Variants in RNMT observed in about 807,000 individuals in gnomAD.
The protein encoded by RNMT is RNA guanine-7 methyltransferase.
RNMT carries 27 observed loss-of-function variants against 56.0 expected under a neutral mutation model. The observed-to-expected ratio is 0.48, with a 90% CI of 0.36 to 0.67. RNMT has a LOEUF of 0.67. RNMT is among the 30% of genes least tolerant of loss of function. RNMT has a pLI of 0.00. For synonymous variants in RNMT, 184 were observed against 176.2 expected (o/e 1.04, Z -0.35); for missense variants, 519 against 552.1 (o/e 0.94, Z 0.60).
In RNMT at chr18:13,744,301, T is replaced by G. The variant is rs796412294; in HGVS notation, c.1139+1649T>G. Among the ~76,000 whole-genome samples the G allele has an allele frequency of 6.1e-4, 93 of 151,972 alleles. 1 individual carries two copies. Among genetic ancestry groups the G allele is most frequent in the African/African-American group, 2.1e-3 (89 of 41,452 alleles). On this transcript the variant is annotated intron_variant, in intron 8 of 11. Coordinates refer to ENST00000383314, the MANE Select transcript of RNMT (RefSeq NM_003799.3). ...ATAGAATCTGAAAATGTGTGGGGGT[T>G]TTGAGATGCCTTTTTGCCATTTCAT...
At position 13,762,264 on chromosome 18, in the gene RNMT, A is replaced by G; in HGVS notation, c.*2285A>G. ...ACATGGCTGGATTGTGATTTAACCA[A>G]GAATGCTGATGTTGAATTCTTTGGG... On this transcript the variant is annotated 3_prime_UTR_variant, in exon 12 of 12. Transcript: ENST00000383314. 12 of 1,263,564 alleles carry G rather than the reference A, an allele frequency of 9.5e-6. No individual in the cohort carries two copies. The highest frequency in any genetic ancestry group is 2.6e-5 in the East Asian group (1 of 38,772). 78.3% of individuals were successfully genotyped at this position (1,263,564 alleles called of 1,614,324 possible).
chr18:13,734,388 C>A, intron 3 of RNMT, 76 bp from the exon 4 acceptor site: 1 of 1,325,320 alleles, frequency 7.5e-7, no homozygotes. Context: ...TTTATCCATT[C>A]ACAGGTCAAA....
chr18:13,747,182 G>A (rs1195036283), intron 9 of RNMT, among the ~76,000 whole-genome samples: 3 of 151,396 alleles, frequency 2.0e-5, no homozygotes, highest in South Asian at 2.1e-4. Flanking sequence ...CCTCCATGAA[G>A]TAGGCAGAAT....
In RNMT at chr18:13,752,436, T is replaced by C. The variant is rs1417536957; in HGVS notation, c.1359+9T>C. 6.6e-7 allele frequency: 1 copy of C among 1,522,612 alleles called. No homozygotes were observed. The highest frequency in any genetic ancestry group is 1.7e-5 in the Admixed American group (1 of 59,442). 94.3% of individuals were successfully genotyped at this position (1,522,612 alleles called of 1,614,324 possible). On this transcript the variant is annotated intron_variant, in intron 10 of 11. Transcript: ENST00000383314. ...AAGTAAGGTTACCTTTGGTAAGTTT[T>C]AATTTATGAAAGTATTTTATAGAGA...
intron 10 of RNMT, among the ~76,000 whole-genome samples, chr18:13,752,667 G>T (rs2044469549): frequency 6.6e-6 from 1 of 152,160 alleles, no homozygotes; most frequent in African/African-American, 2.4e-5. Context: ...AAATTACAGG[G>T]TTGGTGTGCA....
intron 6 of RNMT, 43 bp from the exon 7 acceptor site, chr18:13,741,467 T>C: frequency 7.1e-7 from 1 of 1,413,856 alleles, no homozygotes; most frequent in South Asian, 1.2e-5. Context: ...TTAATCTTTG[T>C]TGTAGTTACC....
In RNMT at chr18:13,763,614, C is replaced by A. The variant is rs577459975; in HGVS notation, c.*3635C>A. The A allele has an allele frequency of 2.5e-4, 38 of 154,960 alleles. No individual in the cohort carries two copies. The highest frequency in any genetic ancestry group is 9.1e-4 in the African/African-American group (38 of 41,658). The allele number at this position is 154,960 out of a possible 1,614,324, so 9.6% of individuals were successfully genotyped here. A position where few individuals can be genotyped will look rare whatever the true frequency, so the allele number is the denominator to read the frequency against. ...TCAGTCACTTTGCTAAATTCTTCAC[C>A]TGTGGTAACTCATTTTGATTGTTAT... On this transcript the variant is annotated 3_prime_UTR_variant, in exon 12 of 12. Transcript: ENST00000383314.
chr18:13,743,279 C>T (rs1191414852), intron 8 of RNMT, among the ~76,000 whole-genome samples: 9 of 147,390 alleles, frequency 6.1e-5, no homozygotes, highest in East Asian at 2.0e-4. Flanking sequence ...GTCGAGATCG[C>T]GCCACTGCGC....
intron 5 of RNMT, among the ~76,000 whole-genome samples, chr18:13,737,998 G>T (rs1027691744): frequency 6.6e-6 from 1 of 151,264 alleles, no homozygotes; most frequent in Admixed American, 6.6e-5. Flanking sequence ...CGATAGTAAC[G>T]CAATGAATCA....
chr18:13,753,542 C>T (rs888994759), intron 10 of RNMT, among the ~76,000 whole-genome samples: 6 of 151,982 alleles, frequency 3.9e-5, no homozygotes, highest in South Asian at 2.1e-4. Flanking sequence ...GAGGCTGAGG[C>T]GGGCGGATCA....
chr18:13,747,077 G>A (rs1339815905), intron 9 of RNMT, among the ~76,000 whole-genome samples: 1 of 152,158 alleles, frequency 6.6e-6, no homozygotes, highest in Non-Finnish European at 1.5e-5. Flanking sequence ...TTGATCAGTA[G>A]AATCATATTC....
chr18:13,753,246 A>G (rs2044481738), intron 10 of RNMT, among the ~76,000 whole-genome samples: 1 of 152,000 alleles, frequency 6.6e-6, no homozygotes, highest in Non-Finnish European at 1.5e-5. Context: ...AGGCAGGTGG[A>G]TCATGAGGTC....
chr18:13,737,015 T>A lies in RNMT; in HGVS notation c.559T>A (p.Phe187Ile). The change falls in exon 5 of 12, where the codon TTT (phenylalanine) becomes ATT (isoleucine). Residue 187 changes from phenylalanine to isoleucine, a missense_variant. Physicochemically the swap from Phe to Ile is conservative, Grantham distance 21 (BLOSUM62 0). Transcript: ENST00000383314. ...NWMKSVLIGE[F>I]LEKVRQKKKR... Reference sequence around the variant, plus strand: ...GACTGATTTCTCTCTTTTAGGAGAATTTTTGGAAAAGGTACGACAGAAGAA... The same window carrying A: ...GACTGATTTCTCTCTTTTAGGAGAAATTTTGGAAAAGGTACGACAGAAGAA... 6.2e-7 allele frequency: 1 copy of A among 1,612,092 alleles called. No homozygotes were observed. Among genetic ancestry groups the A allele is most frequent in the Non-Finnish European group, 8.5e-7 (1 of 1,179,038 alleles).
At chr18:13,727,509 A>C (rs576984666) in intron 1 of RNMT, among the ~76,000 whole-genome samples, 2 of 152,250 alleles carry the variant, frequency 1.3e-5, no homozygotes, top group Non-Finnish European at 2.9e-5. Context: ...TTGCAGGTGC[A>C]GGTGATACTT....
At chr18:13,737,872 A>T (rs1362294275) in intron 5 of RNMT, among the ~76,000 whole-genome samples, 3 of 151,946 alleles carry the variant, frequency 2.0e-5, no homozygotes, top group Non-Finnish European at 4.4e-5. Context: ...TTTTTTTTCA[A>T]TCAGATAAAG....
At chr18:13,754,733 A>T (rs560796333) in intron 11 of RNMT, among the ~76,000 whole-genome samples, 6 of 152,198 alleles carry the variant, frequency 3.9e-5, no homozygotes, top group Non-Finnish European at 7.3e-5. Flanking sequence ...TCTCCATTTG[A>T]AGTGTTTACC....
intron 9 of RNMT, among the ~76,000 whole-genome samples, chr18:13,749,708 G>A (rs1324984160): frequency 6.6e-6 from 1 of 152,166 alleles, no homozygotes; most frequent in Non-Finnish European, 1.5e-5. Flanking sequence ...TGATTTGCAT[G>A]TATCTGGTTT....
rs2044614956 is a variant in RNMT at position 13,761,195 on chromosome 18, C to T, written c.*1216C>T. On this transcript the variant is annotated 3_prime_UTR_variant, in exon 12 of 12. Coordinates refer to ENST00000383314, the MANE Select transcript of RNMT (RefSeq NM_003799.3). ...GGTGTTAGAGTTGCAAACTTTTTAG[C>T]AAGAAAATATGGATTTCCTCATTTC... 1 of 985,266 alleles carries T rather than the reference C, an allele frequency of 1.0e-6. No homozygotes were observed. Among genetic ancestry groups the T allele is most frequent in the Non-Finnish European group, 1.2e-6 (1 of 829,920 alleles). 61.0% of individuals were successfully genotyped at this position (985,266 alleles called of 1,614,324 possible).
chr18:13,737,155 G>T lies in RNMT; in HGVS notation c.679+20G>T. On this transcript the variant is annotated intron_variant, in intron 5 of 11. Transcript: ENST00000383314. ...GTACTGGTAAGATAAATAATGATAT[G>T]GGAAAGAATAATTTGTAGTCAGATA... The T allele has an allele frequency of 1.3e-6, 2 of 1,559,250 alleles. No homozygotes were observed. Among genetic ancestry groups the T allele is most frequent in the South Asian group, 1.2e-5 (1 of 85,870 alleles).
Sources: allele counts gnomAD v4.1 joint callset (sites outside exome capture counted in the v4.1 genomes callset), GRCh38; gene constraint gnomAD v4.1.1; transcripts MANE v1.5; gene names NCBI Gene and HGNC (gene_info 2026-07-23, HGNC 2026-07-21).